Variants in LRRC14 observed in about 807,000 individuals in gnomAD.
LRRC14 encodes the protein leucine-rich repeat-containing protein 14.
A neutral mutation model predicts 25.3 loss-of-function variants in LRRC14; 16 were observed. The ratio of observed to expected loss-of-function variants is 0.63; its 90% CI spans 0.43 to 0.96. The LOEUF is 0.96. Among genes scored for constraint, LRRC14 ranks in the 40% least tolerant of loss-of-function variants. LRRC14 has a pLI of 0.00. For synonymous variants in LRRC14, 359 were observed against 295.1 expected (o/e 1.22, Z -2.22); for missense variants, 594 against 660.5 (o/e 0.90, Z 1.10).
Position 144,522,247 on chromosome 8 carries a change from A to C in LRRC14, c.*769A>C. ...GGCCAGCGAGGGACCCCCCCCATGC[A>C]GAGCTGGAGGTTGGGGTGATGTCTT... On this transcript the variant is annotated 3_prime_UTR_variant, in exon 4 of 4. Coordinates refer to ENST00000292524, the MANE Select transcript of LRRC14 (RefSeq NM_014665.4). The C allele has an allele frequency of 9.4e-6, 5 of 534,218 alleles. No individual in the cohort carries two copies. The highest frequency in any genetic ancestry group is 1.5e-5 in the Non-Finnish European group (5 of 339,430). The allele number at this position is 534,218 out of a possible 1,614,324, so 33.1% of individuals were successfully genotyped here.
rs1816134638 is a variant in LRRC14 at position 144,522,440 on chromosome 8, T to A, written c.*962T>A. The A allele has an allele frequency of 7.2e-7, 1 of 1,387,524 alleles. No homozygotes were observed. Among genetic ancestry groups the A allele is most frequent in the Non-Finnish European group, 9.3e-7 (1 of 1,079,448 alleles). The allele number at this position is 1,387,524 out of a possible 1,614,324, so 86.0% of individuals were successfully genotyped here. On this transcript the variant is annotated 3_prime_UTR_variant, in exon 4 of 4. Coordinates refer to ENST00000292524, the MANE Select transcript of LRRC14 (RefSeq NM_014665.4). ...GCATGCGCGAGGCCGCACCGGCCAATCTCCGGCGCCCACGTCATCCGCGCG... is the reference window on the plus strand; with the variant it reads ...GCATGCGCGAGGCCGCACCGGCCAAACTCCGGCGCCCACGTCATCCGCGCG...
chr8:144,522,908 T>C lies in LRRC14; in HGVS notation c.*1430T>C. 1.5e-6 allele frequency: 2 copies of C among 1,373,860 alleles called. No individual in the cohort carries two copies. Among genetic ancestry groups the C allele is most frequent in the East Asian group, 3.0e-5 (1 of 33,124 alleles). 85.1% of individuals were successfully genotyped at this position (1,373,860 alleles called of 1,614,324 possible). ...CGGAGGCGGCGGTTGCGCGGGCTGC[T>C]GCGGCTGCTGCCGGGACGCGTTGAC... On this transcript the variant is annotated 3_prime_UTR_variant, in exon 4 of 4. Coordinates refer to ENST00000292524, the MANE Select transcript of LRRC14 (RefSeq NM_014665.4).
rs761685386 is a variant in LRRC14 at position 144,519,713 on chromosome 8, C to A, written c.-13C>A. On this transcript the variant is annotated 5_prime_UTR_variant, in exon 2 of 4. Coordinates refer to ENST00000292524, the MANE Select transcript of LRRC14 (RefSeq NM_014665.4). Reference sequence around the variant, plus strand: ...CCCTCTCCTGCAGGTGGCCGTCTGCCCGGCCCAGCACCATGCACACGCTTG... The same window carrying A: ...CCCTCTCCTGCAGGTGGCCGTCTGCACGGCCCAGCACCATGCACACGCTTG... The A allele has an allele frequency of 6.3e-7, 1 of 1,597,164 alleles. No individual in the cohort carries two copies. The highest frequency in any genetic ancestry group is 1.7e-5 in the Admixed American group (1 of 57,854).
In LRRC14 at chr8:144,522,782, G is replaced by T. The variant is rs1262581157; in HGVS notation, c.*1304G>T. Reference sequence around the variant, plus strand: ...GAGCAGCGCCGTGAGCGCCAGCAGCGCGATGGCCGCCGCAATGGCCGTCTG... The same window carrying T: ...GAGCAGCGCCGTGAGCGCCAGCAGCTCGATGGCCGCCGCAATGGCCGTCTG... On this transcript the variant is annotated 3_prime_UTR_variant, in exon 4 of 4. Transcript: ENST00000292524. 6.4e-7 allele frequency: 1 copy of T among 1,556,554 alleles called. No individual in the cohort carries two copies.
rs1047434233 is a variant in LRRC14 at position 144,522,385 on chromosome 8, C to T, written c.*907C>T. On this transcript the variant is annotated 3_prime_UTR_variant, in exon 4 of 4. Coordinates refer to ENST00000292524, the MANE Select transcript of LRRC14 (RefSeq NM_014665.4). ...CGCGCCCCACACACGGCTCAGCGCACACTGCGCGGCTTCCACCTTTACTGA... is the reference window on the plus strand; with the variant it reads ...CGCGCCCCACACACGGCTCAGCGCATACTGCGCGGCTTCCACCTTTACTGA... The T allele has an allele frequency of 3.7e-6, 5 of 1,361,722 alleles. No homozygotes were observed. In the African/African-American group the frequency reaches 4.6e-5, roughly 13 times the overall value. 84.4% of individuals were successfully genotyped at this position (1,361,722 alleles called of 1,614,324 possible).
At chr8:144,519,035 T>A (rs758355851) in intron 1 of LRRC14, among the ~76,000 whole-genome samples, 9 of 152,198 alleles carry the variant, frequency 5.9e-5, no homozygotes, top group Non-Finnish European at 1.2e-4. Context: ...GGGGTCTCCG[T>A]GCTTGGTGAC....
In LRRC14 at chr8:144,523,929, G is replaced by A. The variant is rs890234097; in HGVS notation, c.*2451G>A. On this transcript the variant is annotated 3_prime_UTR_variant, in exon 4 of 4. Coordinates refer to ENST00000292524, the MANE Select transcript of LRRC14 (RefSeq NM_014665.4). ...CTGTCTTCTGTTTTCCCCAGGCAGG[G>A]TGCCTGAGCTGTATTCCCCAGCACA... 5.8e-6 allele frequency: 4 copies of A among 694,724 alleles called. No homozygotes were observed. Among genetic ancestry groups the A allele is most frequent in the African/African-American group, 5.3e-5 (3 of 56,112 alleles). The allele number at this position is 694,724 out of a possible 1,614,324, so 43.0% of individuals were successfully genotyped here. A position where few individuals can be genotyped will look rare whatever the true frequency, so the allele number is the denominator to read the frequency against.
Position 144,521,335 on chromosome 8 carries a change from C to G in LRRC14, c.1339C>G (p.Leu447Val). The change falls in exon 4 of 4, where the codon CTG (leucine) becomes GTG (valine). Residue 447 changes from leucine (L) to valine (V), a missense_variant. Transcript: ENST00000292524. ...GLPWPPPASV[L>V]LEASINEEKF... Reference sequence around the variant, plus strand: ...GCCCTGGCCGCCGCCTGCCTCTGTCCTGCTGGAGGCCTCCATCAATGAGGA... The same window carrying G: ...GCCCTGGCCGCCGCCTGCCTCTGTCGTGCTGGAGGCCTCCATCAATGAGGA... 5 of 1,613,080 alleles carry G rather than the reference C, an allele frequency of 3.1e-6. No individual in the cohort carries two copies. The highest frequency in any genetic ancestry group is 4.2e-6 in the Non-Finnish European group (5 of 1,180,022).
rs764727381 is a variant in LRRC14, at chr8:144,523,438, C to T, written c.*1960C>T. 11 of 1,506,506 alleles carry T rather than the reference C, an allele frequency of 7.3e-6. No individual in the cohort carries two copies. Among genetic ancestry groups the T allele is most frequent in the Middle Eastern group, 1.8e-4 (1 of 5,460 alleles). 93.3% of individuals were successfully genotyped at this position (1,506,506 alleles called of 1,614,324 possible). On this transcript the variant is annotated 3_prime_UTR_variant, in exon 4 of 4. Coordinates refer to ENST00000292524, the MANE Select transcript of LRRC14 (RefSeq NM_014665.4). ...TGGGAGAGCAGCGTTAGGCAGGTGGCTTGAGGGTGCTGCTAAAACAGCCTG... is the reference window on the plus strand; with the variant it reads ...TGGGAGAGCAGCGTTAGGCAGGTGGTTTGAGGGTGCTGCTAAAACAGCCTG...
In LRRC14 at chr8:144,519,907, T is replaced by C; in HGVS notation, c.182T>C (p.Phe61Ser). ...VHTWPFPLLS[F>S]QQLLQECAHC... The stretch of plus-strand genomic sequence containing the variant: ...ACGTGGCCCTTCCCGCTGCTCAGTT[T>C]CCAGCAGCTGCTACAGGAGTGTGCC... The change falls in exon 2 of 4, where the codon TTC (phenylalanine) becomes TCC (serine). Residue 61 changes from phenylalanine (F) to serine (S), a missense_variant. Transcript: ENST00000292524. 6.2e-7 allele frequency: 1 copy of C among 1,613,350 alleles called. No individual in the cohort carries two copies.
rs1011314193 is a variant in LRRC14, at chr8:144,520,806, C to T, written c.898C>T (p.Leu300=). The T allele has an allele frequency of 1.9e-6, 3 of 1,597,180 alleles. No homozygotes were observed. Among genetic ancestry groups the T allele is most frequent in the Non-Finnish European group, 2.5e-6 (3 of 1,178,918 alleles). Residue 300 remains leucine (L), a synonymous_variant, in exon 3 of 4, where the codon CTG becomes TTG. Transcript: ENST00000292524. ...SMGSSLLSGR[L]DQLLSTLQSP... is the part of the protein sequence containing the mutation. ...GGGCTCCTCTCTCCTTTCAGGGAGG[C>T]TGGACCAGCTGCTCAGGTGAGCGGG...
In LRRC14 at chr8:144,521,256, G is replaced by A. The variant is rs1476555014; in HGVS notation, c.1260G>A (p.Gln420=). ...LKELLRDSVA[Q]AELRTVVHPF... is the part of the protein sequence containing the mutation. ...AGCTGCTGCGGGACTCAGTGGCACAGGCTGAGCTGCGTACTGTGGTGCACC... is the reference window on the plus strand; with the variant it reads ...AGCTGCTGCGGGACTCAGTGGCACAAGCTGAGCTGCGTACTGTGGTGCACC... The change falls in exon 4 of 4, where the codon CAG becomes CAA. Residue 420 remains glutamine (Q), a synonymous_variant. Transcript: ENST00000292524. 1.2e-6 allele frequency: 2 copies of A among 1,613,204 alleles called. No individual in the cohort carries two copies. The highest frequency in any genetic ancestry group is 1.7e-6 in the Non-Finnish European group (2 of 1,180,022).
intron 1 of LRRC14, 66 bp from the exon 2 acceptor site, chr8:144,519,549 A>G (rs1586844087): frequency 1.6e-6 from 1 of 618,616 alleles, no homozygotes; most frequent in Non-Finnish European, 2.9e-6. Context: ...CACCCAGCCC[A>G]GCGCTAGGCA....
In LRRC14 at chr8:144,522,746, A is replaced by G. The variant is rs776040126; in HGVS notation, c.*1268A>G. On this transcript the variant is annotated 3_prime_UTR_variant, in exon 4 of 4. Transcript: ENST00000292524. ...TCGCCTGCGGCGCCGGCGACAGATC[A>G]TGGCGACCAGGAGCAGCGCCGTGAG... is the stretch of plus-strand genomic sequence containing the variant. 1.3e-6 allele frequency: 2 copies of G among 1,587,768 alleles called. No homozygotes were observed. Among genetic ancestry groups the G allele is most frequent in the Non-Finnish European group, 1.7e-6 (2 of 1,169,104 alleles).
At chr8:144,520,145 C>A (rs1251398767) in intron 2 of LRRC14, 91 bp downstream of exon 2, 1 of 1,565,000 alleles carries the variant, frequency 6.4e-7, no homozygotes, top group Non-Finnish European at 8.6e-7. Flanking sequence ...AGAGCTCATG[C>A]AGGAGCAGGC....
Position 144,520,787 on chromosome 8 carries a change from C to G in LRRC14, c.879C>G (p.Ser293=), listed in dbSNP as rs1236136812. The G allele has an allele frequency of 6.3e-7, 1 of 1,598,348 alleles. No homozygotes were observed. The highest frequency in any genetic ancestry group is 8.5e-7 in the Non-Finnish European group (1 of 1,179,692). The change falls in exon 3 of 4, where the codon TCC becomes TCG. Residue 293 remains serine (S), a synonymous_variant. Coordinates refer to ENST00000292524, the MANE Select transcript of LRRC14 (RefSeq NM_014665.4). ...FTCLRELSMG[S]SLLSGRLDQL... is the part of the protein sequence containing the mutation. ...GTCTGCGTGAGCTCAGCATGGGCTC[C>G]TCTCTCCTTTCAGGGAGGCTGGACC...
At position 144,522,844 on chromosome 8, in the gene LRRC14, C is replaced by T; in HGVS notation, c.*1366C>T. 7.4e-7 allele frequency: 1 copy of T among 1,346,396 alleles called. No homozygotes were observed. The highest frequency in any genetic ancestry group is 9.5e-7 in the Non-Finnish European group (1 of 1,053,264). 83.4% of individuals were successfully genotyped at this position (1,346,396 alleles called of 1,614,324 possible). A position where few individuals can be genotyped will look rare whatever the true frequency, so the allele number is the denominator to read the frequency against. ...CCAGGGCGCGGAAGGCCATGCTGCCCGCCTCGGGCCGGGGCTCGCTGCCGG... is the reference window on the plus strand; with the variant it reads ...CCAGGGCGCGGAAGGCCATGCTGCCTGCCTCGGGCCGGGGCTCGCTGCCGG... On this transcript the variant is annotated 3_prime_UTR_variant, in exon 4 of 4. Coordinates refer to ENST00000292524, the MANE Select transcript of LRRC14 (RefSeq NM_014665.4).
Position 144,525,053 on chromosome 8 carries a change from G to A in LRRC14, c.*3575G>A. ...GCCCTCCTGAAACACAGGTTGGCAG[G>A]CCAGTCTCGGCAGTCGAGAGCCAGC... is the stretch of plus-strand genomic sequence containing the variant. On this transcript the variant is annotated 3_prime_UTR_variant, in exon 4 of 4. Transcript: ENST00000292524. The A allele has an allele frequency of 7.4e-7, 1 of 1,355,474 alleles. No individual in the cohort carries two copies. Among genetic ancestry groups the A allele is most frequent in the South Asian group, 1.9e-5 (1 of 53,882 alleles). 84.0% of individuals were successfully genotyped at this position (1,355,474 alleles called of 1,614,324 possible).
In LRRC14 at chr8:144,521,086, G is replaced by A. The variant is rs770317927; in HGVS notation, c.1090G>A (p.Ala364Thr). ...CTTCCAGGGTCTGTTGCAGGCATCA[G>A]CAGCCACACTGTTGCATCTGGAGCT... ...APFQGLLQAS[A>T]ATLLHLELTE... is the part of the protein sequence containing the mutation. Residue 364 changes from alanine to threonine, a missense_variant, in exon 4 of 4, where the codon GCA becomes ACA. Transcript: ENST00000292524. 2.5e-5 allele frequency: 40 copies of A among 1,612,898 alleles called. No individual in the cohort carries two copies. In the Admixed American group the frequency reaches 2.5e-4, roughly 10 times the overall value.
Sources: allele counts gnomAD v4.1 joint callset (sites outside exome capture counted in the v4.1 genomes callset), GRCh38; gene constraint gnomAD v4.1.1; transcripts MANE v1.5; gene names NCBI Gene and HGNC (gene_info 2026-07-23, HGNC 2026-07-21).